PLS3: variants seen among roughly 807,000 people sequenced by gnomAD.
PLS3 encodes the protein plastin 3, also known as plastin-3.
Under a neutral mutation model 46.5 loss-of-function variants are expected in PLS3, and 11 were observed. The observed-to-expected ratio is 0.24, with a 90% CI of 0.15 to 0.39. PLS3 has a LOEUF of 0.39. PLS3 is among the 10% of genes least tolerant of loss of function. PLS3 has a pLI of 1.00. For missense variants in PLS3, 308 were observed against 461.8 expected, an observed-to-expected ratio of 0.67 and a Z score of 3.05; for synonymous variants, 167 against 162.2, an observed-to-expected ratio of 1.03 and a Z score of -0.22.
chrX:115,599,108 G>C (rs782763876), intron 1 of PLS3, among the ~76,000 whole-genome samples: 1 of 110,607 alleles, frequency 9.0e-6, no homozygotes, highest in Admixed American at 9.7e-5. Flanking sequence ...ATATTTGTTA[G>C]GAGCTTTTTA....
At chrX:115,565,784 G>T (rs1215246296) in intron 1 of PLS3, among the ~76,000 whole-genome samples, 1 of 112,185 alleles carries the variant, frequency 8.9e-6, no homozygotes, top group Non-Finnish European at 1.9e-5. Context: ...TTAAAATAAA[G>T]AGGTGCCATT....
chrX:115,627,389 C>CTT (rs1260036813), intron 3 of PLS3, among the ~76,000 whole-genome samples: 1 of 111,557 alleles, frequency 9.0e-6, no homozygotes, highest in African/African-American at 3.3e-5. Flanking sequence ...ATTGCAGGGA[C>CTT]TTGTGGTATG....
At chrX:115,603,473 A>T (rs782807751) in intron 1 of PLS3, among the ~76,000 whole-genome samples, 1 of 111,993 alleles carries the variant, frequency 8.9e-6, no homozygotes, top group Non-Finnish European at 1.9e-5. Flanking sequence ...TGCTTTGCAG[A>T]TGAGCGAATT....
chrX:115,631,425 G>A (rs927164962), intron 5 of PLS3, among the ~76,000 whole-genome samples: 1 of 109,820 alleles, frequency 9.1e-6, no homozygotes, highest in Non-Finnish European at 1.9e-5. Context: ...GGTCATTTTG[G>A]TTGTTTGAAA....
chrX:115,627,218 C>A (rs1283137702), intron 3 of PLS3, among the ~76,000 whole-genome samples: 1 of 111,557 alleles, frequency 9.0e-6, no homozygotes, highest in Non-Finnish European at 1.9e-5. Flanking sequence ...TGAATTAATC[C>A]TTTTTTCTGT....
intron 1 of PLS3, among the ~76,000 whole-genome samples, chrX:115,594,644 CCTCTCTCTCTCTCTCT>C (rs782282497): frequency 1.3e-4 from 13 of 96,552 alleles, no homozygotes; most frequent in African/African-American, 5.2e-4. Flanking sequence ...TCTCTCCCTC[CCTCTCTCTCTCTCTCT>C]CTCTCTCTCA....
intron 10 of PLS3, among the ~76,000 whole-genome samples, chrX:115,643,894 T>C (rs5987962): frequency 0.12 from 13,764 of 110,663 alleles, 1,405 homozygotes; most frequent in African/African-American, 0.34. Flanking sequence ...ATCACTTGAA[T>C]CTGGGAGACG....
chrX:115,585,359 T>C (rs1260737880), intron 1 of PLS3, among the ~76,000 whole-genome samples: 1 of 111,988 alleles, frequency 8.9e-6, no homozygotes, highest in African/African-American at 3.2e-5. Context: ...GTCCTTTATA[T>C]AAGTAGGCAG....
chrX:115,597,808 A>G (rs1478016903), intron 1 of PLS3, among the ~76,000 whole-genome samples: 4 of 111,675 alleles, frequency 3.6e-5, no homozygotes, highest in African/African-American at 1.3e-4. Context: ...AGTGTATATA[A>G]TAATGCCTCA....
chrX:115,586,528 AAAT>A (rs1311185746), intron 1 of PLS3, among the ~76,000 whole-genome samples: 8 of 104,136 alleles, frequency 7.7e-5, no homozygotes, highest in Non-Finnish European at 1.4e-4. Flanking sequence ...AAAAAAAAAA[AAAT>A]AGCCATGTGT....
intron 1 of PLS3, among the ~76,000 whole-genome samples, chrX:115,575,862 A>G (rs2074245621): frequency 8.9e-6 from 1 of 112,117 alleles, no homozygotes; most frequent in African/African-American, 3.2e-5. Context: ...AAGCCTGTAA[A>G]TGCTGTATAA....
chrX:115,594,131 G>A (rs932332089), intron 1 of PLS3, among the ~76,000 whole-genome samples: 1 of 111,625 alleles, frequency 9.0e-6, no homozygotes, highest in Non-Finnish European at 1.9e-5. Flanking sequence ...TCCTACGTGA[G>A]TTAAATCAAA....
At chrX:115,563,631 T>G in intron 1 of PLS3, among the ~76,000 whole-genome samples, 1 of 112,176 alleles carries the variant, frequency 8.9e-6, no homozygotes. Context: ...TTTAAGAGAT[T>G]CTGACTTTGT....
chrX:115,608,588 C>A (rs1183993653), intron 1 of PLS3, among the ~76,000 whole-genome samples: 1 of 111,827 alleles, frequency 8.9e-6, no homozygotes, highest in African/African-American at 3.3e-5. Flanking sequence ...AATGACTGAT[C>A]GAATGTATGA....
chrX:115,610,415 A>G, intron 2 of PLS3, 92 bp downstream of exon 2: 1 of 447,419 alleles, frequency 2.2e-6, no homozygotes. Context: ...TGGTTAATCA[A>G]AAACATTAGG....
At chrX:115,570,668 C>T (rs1482659569) in intron 1 of PLS3, among the ~76,000 whole-genome samples, 1 of 108,379 alleles carries the variant, frequency 9.2e-6, no homozygotes, top group East Asian at 2.9e-4. Context: ...CCATGCCTGG[C>T]TAACTTTTTT....
chrX:115,621,829 AAGTTCTTTTTGG>A (rs1208081799), intron 2 of PLS3, among the ~76,000 whole-genome samples: 1 of 112,100 alleles, frequency 8.9e-6, no homozygotes, highest in Non-Finnish European at 1.9e-5. Context: ...AAGTTCATAT[AAGTTCTTTTTGG>A]AGCAATGGAA....
At chrX:115,570,959 G>T (rs189054470) in intron 1 of PLS3, among the ~76,000 whole-genome samples, 1 of 98,128 alleles carries the variant, frequency 1.0e-5, no homozygotes. Context: ...GCAGTGGCGC[G>T]ATCTCAGCTC....
At chrX:115,609,439 TAAG>T (rs1479662558) in intron 1 of PLS3, among the ~76,000 whole-genome samples, 3 of 112,325 alleles carry the variant, frequency 2.7e-5, no homozygotes, top group Non-Finnish European at 5.6e-5. Context: ...ACAATTCTGA[TAAG>T]AATAGAATTC....
Sources: allele counts gnomAD v4.1 joint callset (sites outside exome capture counted in the v4.1 genomes callset), GRCh38; gene constraint gnomAD v4.1.1; transcripts MANE v1.5; gene names NCBI Gene and HGNC (gene_info 2026-07-23, HGNC 2026-07-21).